The following LINGO2 variants were observed in gnomAD, a reference collection of about 807,000 sequenced individuals.
LINGO2 encodes leucine-rich repeat and immunoglobulin-like domain-containing nogo receptor-interacting protein 2.
Under a neutral mutation model 30.6 loss-of-function variants are expected in LINGO2, and 14 were observed. That is an observed-to-expected ratio of 0.46 (90% CI 0.30 to 0.72). LINGO2 has a LOEUF of 0.72. Ranked by LOEUF, LINGO2 falls within the 30% of genes least tolerant of loss-of-function variation. The pLI is 0.07. For synonymous variants in LINGO2, 317 were observed against 288.5 expected (o/e 1.10, Z -1.00); for missense variants, 729 against 751.7 (o/e 0.97, Z 0.35).
the LINGO2 span, among the ~76,000 whole-genome samples, chr9:29,070,903 T>C: frequency 0.2 from 29,522 of 150,410 alleles, 3,053 homozygotes; most frequent in African/African-American, 0.24. Context: ...TGAATATATA[T>C]GGCTAGAACC....
chr9:28,022,867 T>TTTTTG (rs3064665), intron 4 of LINGO2, among the ~76,000 whole-genome samples: 94,963 of 150,336 alleles, frequency 0.63, 30,995 homozygotes, highest in Non-Finnish European at 0.72. Flanking sequence ...CTCTGCTGAT[T>TTTTTG]TTTTGTTTTG....
At chr9:28,003,018 G>A (rs964376355) in intron 5 of LINGO2, among the ~76,000 whole-genome samples, 1 of 151,692 alleles carries the variant, frequency 6.6e-6, no homozygotes, top group Non-Finnish European at 1.5e-5. Context: ...ACCCCCAAAT[G>A]GAAAAAGTGG....
At chr9:28,066,294 G>A (rs1014961999) in intron 4 of LINGO2, among the ~76,000 whole-genome samples, 7 of 152,228 alleles carry the variant, frequency 4.6e-5, no homozygotes, top group African/African-American at 1.7e-4. Flanking sequence ...TTGGAGAAAT[G>A]TCAGTGGTTG....
At chr9:28,334,510 G>A (rs1008602704) in intron 3 of LINGO2, among the ~76,000 whole-genome samples, 1 of 152,150 alleles carries the variant, frequency 6.6e-6, no homozygotes, top group Admixed American at 6.5e-5. Flanking sequence ...CTACTAAGTG[G>A]GGTTTTTATG....
the LINGO2 span, among the ~76,000 whole-genome samples, chr9:28,750,963 C>T: frequency 1.1e-3 from 166 of 151,832 alleles, 1 homozygote; most frequent in Non-Finnish European, 1.9e-3. Flanking sequence ...TTTAGTATTG[C>T]TCAGGACAAA....
intron 3 of LINGO2, among the ~76,000 whole-genome samples, chr9:28,309,379 C>A (rs1331853951): frequency 6.8e-6 from 1 of 146,624 alleles, no homozygotes; most frequent in Non-Finnish European, 1.5e-5. Context: ...GGGAATTGAA[C>A]AATGAGAACA....
chr9:28,192,592 T>C (rs1419887111), intron 4 of LINGO2, among the ~76,000 whole-genome samples: 1 of 152,084 alleles, frequency 6.6e-6, no homozygotes, highest in Admixed American at 6.6e-5. Flanking sequence ...TCTGTGGTGA[T>C]GTATTTCTTC....
chr9:28,995,818 A>C, the LINGO2 span, among the ~76,000 whole-genome samples: 1 of 152,180 alleles, frequency 6.6e-6, no homozygotes, highest in East Asian at 1.9e-4. Context: ...GGAATTGAAC[A>C]ATGAGAACAT....
At chr9:28,779,799 C>A in the LINGO2 span, among the ~76,000 whole-genome samples, 1 of 152,166 alleles carries the variant, frequency 6.6e-6, no homozygotes, top group East Asian at 1.9e-4. Flanking sequence ...TAACTAGAAC[C>A]TGATGCAAAG....
chr9:28,342,100 C>T (rs1161683905), intron 3 of LINGO2, among the ~76,000 whole-genome samples: 3 of 152,126 alleles, frequency 2.0e-5, no homozygotes, highest in Non-Finnish European at 4.4e-5. Flanking sequence ...TAACTCTCTT[C>T]TCTCTGAAAA....
the LINGO2 span, among the ~76,000 whole-genome samples, chr9:28,953,272 G>T: frequency 6.6e-6 from 1 of 152,056 alleles, no homozygotes; most frequent in African/African-American, 2.4e-5. Flanking sequence ...TAAGGTAAAT[G>T]GGTATGAGGA....
the LINGO2 span, among the ~76,000 whole-genome samples, chr9:28,885,000 A>T: frequency 2.0e-4 from 14 of 69,124 alleles, 1 homozygote; most frequent in East Asian, 9.5e-3. Flanking sequence ...AATATATTAT[A>T]TATATATATA....
the LINGO2 span, among the ~76,000 whole-genome samples, chr9:28,837,499 T>C: frequency 1.3e-5 from 2 of 150,366 alleles, no homozygotes; most frequent in East Asian, 2.0e-4. Context: ...TACAAAAAAT[T>C]AGCTGGGTGG....
the LINGO2 span, among the ~76,000 whole-genome samples, chr9:29,149,240 G>C: frequency 1.3e-5 from 2 of 151,984 alleles, no homozygotes; most frequent in South Asian, 4.2e-4. Flanking sequence ...TGGTTTAATA[G>C]TTCATTTTAT....
At chr9:29,004,906 C>A in the LINGO2 span, among the ~76,000 whole-genome samples, 1 of 151,984 alleles carries the variant, frequency 6.6e-6, no homozygotes, top group Non-Finnish European at 1.5e-5. Context: ...GGTTCAATTT[C>A]TTTATCTATA....
At chr9:29,134,490 T>C in the LINGO2 span, among the ~76,000 whole-genome samples, 1 of 152,178 alleles carries the variant, frequency 6.6e-6, no homozygotes, top group Non-Finnish European at 1.5e-5. Context: ...TTTATGTGTT[T>C]ATATGAAACC....
the LINGO2 span, among the ~76,000 whole-genome samples, chr9:28,940,006 T>A: frequency 6.6e-6 from 1 of 152,200 alleles, no homozygotes; most frequent in East Asian, 1.9e-4. Context: ...TCATTCTGCA[T>A]GAAAAGATCA....
intron 4 of LINGO2, among the ~76,000 whole-genome samples, chr9:28,031,229 G>A (rs576932931): frequency 6.6e-6 from 1 of 152,160 alleles, no homozygotes; most frequent in East Asian, 1.9e-4. Flanking sequence ...AAAAATTTAA[G>A]TGGTGGGCTT....
At chr9:29,100,763 A>T in the LINGO2 span, among the ~76,000 whole-genome samples, 1 of 152,174 alleles carries the variant, frequency 6.6e-6, no homozygotes. Flanking sequence ...TTGAGGAGAC[A>T]GACACTCTTT....
Sources: allele counts gnomAD v4.1 joint callset (sites outside exome capture counted in the v4.1 genomes callset), GRCh38; gene constraint gnomAD v4.1.1; transcripts MANE v1.5; gene names NCBI Gene and HGNC (gene_info 2026-07-23, HGNC 2026-07-21).